The following MYO6 variants were observed in gnomAD, a reference collection of about 807,000 sequenced individuals.
The protein encoded by MYO6 is unconventional myosin-VI.
In MYO6, 74 loss-of-function variants were observed where a neutral mutation model predicts 178.7. The observed-to-expected ratio is 0.41, with a 90% CI of 0.34 to 0.50. The LOEUF (loss-of-function observed/expected upper bound fraction) is 0.50. Among genes scored for constraint, MYO6 ranks in the 20% least tolerant of loss-of-function variants. MYO6 has a pLI of 0.09. For missense variants in MYO6, 1,330 were observed against 1,547.4 expected, an observed-to-expected ratio of 0.86 and a Z score of 2.36; for synonymous variants, 477 against 504.6, an observed-to-expected ratio of 0.95 and a Z score of 0.73.
chr6:75,812,252 C>T (rs1039412151), intron 1 of MYO6, among the ~76,000 whole-genome samples: 1 of 152,086 alleles, frequency 6.6e-6, no homozygotes, highest in Non-Finnish European at 1.5e-5. Flanking sequence ...TCTTGAGCTC[C>T]TAGGATCAAG....
In MYO6 at chr6:75,848,365, T is replaced by A; in HGVS notation, c.912T>A (p.Gly304=). The change falls in exon 11 of 35, where the codon GGT becomes GGA. Residue 304 remains glycine, a synonymous_variant. Coordinates refer to ENST00000369977, the MANE Select transcript of MYO6 (RefSeq NM_004999.4). ...NRKSPEYLKA[G]SMKDPLLDDH... ...TTGTTTTGTAGTACCTTAAGGCAGGTTCTATGAAAGATCCTCTGCTAGATG... is the reference window on the plus strand; with the variant it reads ...TTGTTTTGTAGTACCTTAAGGCAGGATCTATGAAAGATCCTCTGCTAGATG... 6.2e-7 allele frequency: 1 copy of A among 1,613,608 alleles called. No homozygotes were observed. The highest frequency in any genetic ancestry group is 8.5e-7 in the Non-Finnish European group (1 of 1,179,652).
chr6:75,860,751 A>T (rs1776131015), intron 14 of MYO6, among the ~76,000 whole-genome samples: 1 of 152,192 alleles, frequency 6.6e-6, no homozygotes, highest in Non-Finnish European at 1.5e-5. Flanking sequence ...TGTTCTTCTA[A>T]ATTACACTTA....
intron 30 of MYO6, among the ~76,000 whole-genome samples, chr6:75,905,589 C>T (rs556138131): frequency 1.5e-3 from 227 of 152,326 alleles, no homozygotes; most frequent in African/African-American, 5.3e-3. Flanking sequence ...GCACACGGTG[C>T]GCGCACCCAC....
intron 20 of MYO6, among the ~76,000 whole-genome samples, chr6:75,878,367 A>C (rs143665028): frequency 2.0e-5 from 3 of 152,280 alleles, no homozygotes; most frequent in Non-Finnish European, 4.4e-5. Flanking sequence ...CATTGTCCAC[A>C]TGCATATCTT....
intron 20 of MYO6, among the ~76,000 whole-genome samples, chr6:75,876,777 T>C (rs371859542): frequency 6.6e-6 from 1 of 152,128 alleles, no homozygotes; most frequent in Non-Finnish European, 1.5e-5. Flanking sequence ...GATATCATAA[T>C]AGTAATAATG....
intron 15 of MYO6, 27 bp downstream of exon 15, chr6:75,861,122 A>G: frequency 6.6e-7 from 1 of 1,517,386 alleles, no homozygotes; most frequent in Non-Finnish European, 9.2e-7. Flanking sequence ...TCCACCTTTG[A>G]AAAATATAGG....
At chr6:75,897,444 A>G (rs1164563242) in intron 29 of MYO6, among the ~76,000 whole-genome samples, 3 of 152,206 alleles carry the variant, frequency 2.0e-5, no homozygotes, top group African/African-American at 4.8e-5. Context: ...ATAGACCTCC[A>G]TCCATACATA....
rs139395133 is a variant in MYO6 at position 75,907,698 on chromosome 6, T to A, written c.3270T>A (p.Asn1090Lys). 3 of 1,607,902 alleles carry A rather than the reference T, an allele frequency of 1.9e-6. No individual in the cohort carries two copies. The highest frequency in any genetic ancestry group is 2.6e-6 in the Non-Finnish European group (3 of 1,175,146). Residue 1090 changes from asparagine to lysine, a missense_variant, in exon 31 of 35, where the codon AAT becomes AAA. Asn to Lys is a moderately conservative substitution (Grantham distance 94). This residue lies in a region of MYO6 where 601 missense variants were observed against 626.1 expected (regional missense o/e 0.96). Transcript: ENST00000369977. ...WKYAELRDTI[N>K]TSCDIELLAA... ...ATGCAGAACTACGTGATACCATCAA[T>A]ACTTCTTGTGGTAAGTGTTTGGAGA...
rs192515154 is a variant in MYO6 at position 75,870,108 on chromosome 6, C to T, written c.1945-539C>T. ...TAGCCTGGGCGACAGAGCAAGACTC[C>T]GTCTCAAAAAAAGAAAAAAAAAAAA... On this transcript the variant is annotated intron_variant, in intron 18 of 34. Transcript: ENST00000369977. Among the ~76,000 whole-genome samples the T allele has an allele frequency of 1.8e-3, 278 of 150,754 alleles. 1 individual carries two copies. Among genetic ancestry groups the T allele is most frequent in the African/African-American group, 6.4e-3 (264 of 41,016 alleles).
chr6:75,828,836 T>A (rs1041817020), intron 4 of MYO6, among the ~76,000 whole-genome samples: 1 of 152,128 alleles, frequency 6.6e-6, no homozygotes, highest in Non-Finnish European at 1.5e-5. Context: ...AATCAGTATT[T>A]GTGGGATGAA....
chr6:75,865,565 A>G (rs1486334261), intron 16 of MYO6, among the ~76,000 whole-genome samples: 1 of 151,056 alleles, frequency 6.6e-6, no homozygotes, highest in Admixed American at 6.6e-5. Context: ...GGGTTTTGCC[A>G]TGTTGCTCAG....
chr6:75,883,490 CTGAT>C (rs1244108809), intron 23 of MYO6, among the ~76,000 whole-genome samples: 4 of 152,046 alleles, frequency 2.6e-5, no homozygotes, highest in African/African-American at 7.2e-5. Context: ...TGTGATTCCT[CTGAT>C]TGGGATTTTT....
Position 75,828,666 on chromosome 6 carries a change from G to A in MYO6, c.261+53G>A, listed in dbSNP as rs1772742149. 5 of 1,119,342 alleles carry A rather than the reference G, an allele frequency of 4.5e-6. No individual in the cohort carries two copies. The Admixed American group carries it at 8.5e-5, about 19-fold the overall frequency. 69.3% of individuals were successfully genotyped at this position (1,119,342 alleles called of 1,614,324 possible). On this transcript the variant is annotated intron_variant, in intron 4 of 34. Coordinates refer to ENST00000369977, the MANE Select transcript of MYO6 (RefSeq NM_004999.4). Reference sequence around the variant, plus strand: ...TTTGTGGAGATAATTATTTCATGTGGTACTCTTTGATTTTGTCACGCTTGA... The same window carrying A: ...TTTGTGGAGATAATTATTTCATGTGATACTCTTTGATTTTGTCACGCTTGA...
intron 1 of MYO6, among the ~76,000 whole-genome samples, chr6:75,807,192 A>G (rs931183862): frequency 2.0e-5 from 3 of 152,214 alleles, no homozygotes; most frequent in African/African-American, 7.2e-5. Context: ...TGTTGAAGCC[A>G]TTGTGATTAA....
intron 1 of MYO6, among the ~76,000 whole-genome samples, chr6:75,770,169 C>T (rs1273415543): frequency 3.3e-5 from 5 of 152,166 alleles, no homozygotes; most frequent in Admixed American, 1.3e-4. Context: ...TCTCCCTTTG[C>T]GTTGCACTAT....
intron 11 of MYO6, among the ~76,000 whole-genome samples, chr6:75,850,420 A>G (rs1333548450): frequency 6.6e-6 from 1 of 152,208 alleles, no homozygotes; most frequent in Non-Finnish European, 1.5e-5. Context: ...TGTTGAAATG[A>G]TGCATGTGGT....
intron 33 of MYO6, among the ~76,000 whole-genome samples, chr6:75,913,858 G>T (rs1355693555): frequency 6.6e-6 from 1 of 152,080 alleles, no homozygotes; most frequent in African/African-American, 2.4e-5. Context: ...GCAATGCTAA[G>T]AAACATCTTA....
At chr6:75,894,993 A>G (rs1278375836) in intron 28 of MYO6, among the ~76,000 whole-genome samples, 1 of 152,202 alleles carries the variant, frequency 6.6e-6, no homozygotes, top group Non-Finnish European at 1.5e-5. Context: ...CAATATATGA[A>G]TTTTCTAATC....
chr6:75,754,548 T>TAAAAA (rs1777181643), intron 1 of MYO6, among the ~76,000 whole-genome samples: 1 of 63,548 alleles, frequency 1.6e-5, no homozygotes, highest in African/African-American at 3.6e-5. Context: ...AAAAAAAAAG[T>TAAAAA]AAGCCGCTGA....
Sources: gnomAD v4.1 joint callset for allele counts (sites outside exome capture counted in the v4.1 genomes callset) on GRCh38, gnomAD v4.1.1 for gene constraint, gnomAD v4.1.1 regional missense constraint, MANE v1.5 for transcripts, NCBI Gene and HGNC (gene_info 2026-07-23, HGNC 2026-07-21) for gene names.